PHACTR1: variants seen among roughly 807,000 people sequenced by gnomAD.
The protein encoded by PHACTR1 is phosphatase and actin regulator 1, also known as RPEL repeat containing 1.
Under a neutral mutation model 69.2 loss-of-function variants are expected in PHACTR1, and 16 were observed. The observed-to-expected ratio is 0.23, with a 90% CI of 0.16 to 0.35. The LOEUF (loss-of-function observed/expected upper bound fraction) is 0.35, where lower values mean the gene tolerates loss of function less well. PHACTR1 is among the 10% of genes least tolerant of loss of function. The pLI is 1.00. For synonymous variants in PHACTR1, 312 were observed against 284.5 expected (o/e 1.10, Z -0.97); for missense variants, 510 against 734.7 (o/e 0.69, Z 3.54).
Position 13,283,799 on chromosome 6 carries a change from C to G in PHACTR1, c.1650+237C>G, listed in dbSNP as rs1780854306. The stretch of plus-strand genomic sequence containing the variant: ...TGTGCCCATTTTACAGGAGGAGGAG[C>G]AGCAGCCTGGGAGGCTGTGCCCAGA... On this transcript the variant is annotated intron_variant, in intron 13 of 14. Transcript: ENST00000332995. The surrounding 1 kb of genome is among the most constrained non-coding windows in gnomAD (Gnocchi z 4.7). 1.8e-6 allele frequency: 1 copy of G among 557,616 alleles called. No homozygotes were observed. The highest frequency in any genetic ancestry group is 1.9e-5 in the African/African-American group (1 of 52,744). 34.5% of individuals were successfully genotyped at this position (557,616 alleles called of 1,614,324 possible).
intron 10 of PHACTR1, among the ~76,000 whole-genome samples, chr6:13,258,694 A>G (rs900124505): frequency 3.3e-5 from 5 of 152,120 alleles, no homozygotes; most frequent in Admixed American, 1.3e-4. Flanking sequence ...CTTCTTGAAG[A>G]CTCTGACAGA....
chr6:12,924,505 T>C (rs1788052329), intron 4 of PHACTR1, among the ~76,000 whole-genome samples: 1 of 152,166 alleles, frequency 6.6e-6, no homozygotes, highest in Non-Finnish European at 1.5e-5. Flanking sequence ...CCGGGCACGG[T>C]GGCTCACGCC....
intron 4 of PHACTR1, among the ~76,000 whole-genome samples, chr6:12,776,694 C>T (rs1429743605): frequency 6.6e-6 from 1 of 152,154 alleles, no homozygotes; most frequent in African/African-American, 2.4e-5. Context: ...TTGTTTTTAT[C>T]TTCATTAATC....
chr6:12,975,018 C>T (rs1480279885), intron 4 of PHACTR1, among the ~76,000 whole-genome samples: 1 of 152,140 alleles, frequency 6.6e-6, no homozygotes, highest in Non-Finnish European at 1.5e-5. Flanking sequence ...GAAAAAAGCC[C>T]TCTGTACAAT....
intron 5 of PHACTR1, among the ~76,000 whole-genome samples, chr6:13,103,295 C>G (rs1016074435): frequency 5.9e-5 from 9 of 152,128 alleles, no homozygotes; most frequent in African/African-American, 1.9e-4. Context: ...AGCATGAGAT[C>G]TCTAATAGCT....
intron 5 of PHACTR1, among the ~76,000 whole-genome samples, chr6:13,113,437 A>G (rs1057136388): frequency 6.6e-6 from 1 of 152,212 alleles, no homozygotes; most frequent in Non-Finnish European, 1.5e-5. Flanking sequence ...AGGAAAAGCA[A>G]GGGACGCACC....
At chr6:13,224,366 C>T (rs1433928789) in intron 8 of PHACTR1, among the ~76,000 whole-genome samples, 1 of 152,166 alleles carries the variant, frequency 6.6e-6, no homozygotes, top group Non-Finnish European at 1.5e-5. Context: ...GAACACATTC[C>T]AGGCCAAGAG....
intron 8 of PHACTR1, among the ~76,000 whole-genome samples, chr6:13,212,796 C>G (rs1294880330): frequency 6.6e-6 from 1 of 152,156 alleles, no homozygotes; most frequent in Non-Finnish European, 1.5e-5. Context: ...CTGCCCTTCC[C>G]TCAAATATCC....
chr6:12,949,955 C>A (rs997767467), intron 4 of PHACTR1, among the ~76,000 whole-genome samples: 7 of 152,224 alleles, frequency 4.6e-5, no homozygotes, highest in Non-Finnish European at 1.0e-4. Flanking sequence ...CCGTCTCACA[C>A]CTAATGCTCC....
chr6:12,800,376 G>A (rs1189689542), intron 4 of PHACTR1, among the ~76,000 whole-genome samples: 1 of 152,176 alleles, frequency 6.6e-6, no homozygotes, highest in Non-Finnish European at 1.5e-5. Flanking sequence ...AACACATGCA[G>A]GGAGACTAAC....
intron 4 of PHACTR1, among the ~76,000 whole-genome samples, chr6:12,854,749 A>G (rs149675380): frequency 1.5e-4 from 23 of 152,366 alleles, no homozygotes; most frequent in African/African-American, 5.3e-4. Context: ...AACACTTCTC[A>G]AAAGACATAG....
chr6:12,927,936 C>A (rs930513972), intron 4 of PHACTR1, among the ~76,000 whole-genome samples: 4 of 152,226 alleles, frequency 2.6e-5, no homozygotes, highest in Non-Finnish European at 5.9e-5. Context: ...GCTGCACCTC[C>A]GATTGCTGAC....
At chr6:13,092,110 T>C (rs745950732) in intron 5 of PHACTR1, among the ~76,000 whole-genome samples, 1 of 152,164 alleles carries the variant, frequency 6.6e-6, no homozygotes, top group Non-Finnish European at 1.5e-5. Context: ...TTCGAACTTC[T>C]ATGAGAATCT....
intron 4 of PHACTR1, among the ~76,000 whole-genome samples, chr6:12,884,960 G>C (rs931894331): frequency 6.6e-6 from 1 of 152,196 alleles, no homozygotes. Context: ...GAGTTTTCTC[G>C]ATAATTTAGC....
chr6:12,844,866 G>GA (rs1336495241), intron 4 of PHACTR1, among the ~76,000 whole-genome samples: 1 of 152,076 alleles, frequency 6.6e-6, no homozygotes, highest in Non-Finnish European at 1.5e-5. Flanking sequence ...GGGCCTAGAA[G>GA]AAAAACCTGT....
chr6:13,213,135 A>C (rs1265336800), intron 8 of PHACTR1, among the ~76,000 whole-genome samples: 2 of 152,224 alleles, frequency 1.3e-5, no homozygotes, highest in Admixed American at 6.5e-5. Flanking sequence ...TAACTGAATG[A>C]ATGGAGAGCC....
chr6:12,978,205 C>T (rs897367583), intron 4 of PHACTR1, among the ~76,000 whole-genome samples: 2 of 152,184 alleles, frequency 1.3e-5, no homozygotes, highest in Non-Finnish European at 2.9e-5. Context: ...CTCCCACTGG[C>T]CGCCAGAGTC....
intron 4 of PHACTR1, chr6:12,934,096 C>A (rs1028846786): frequency 5.9e-6 from 6 of 1,014,068 alleles, no homozygotes; most frequent in African/African-American, 1.6e-5. Context: ...TAGGGAAGAA[C>A]CTTCTTGTGT....
Position 12,978,927 on chromosome 6 carries a change from G to A in PHACTR1, c.251-74438G>A, listed in dbSNP as rs112012193. Among the ~76,000 whole-genome samples the A allele has an allele frequency of 3.2e-3, 484 of 152,318 alleles. 3 individuals carry two copies. Among genetic ancestry groups the A allele is most frequent in the African/African-American group, 0.011 (451 of 41,568 alleles). ...GGAATATTCCTAGTGATTACTGGGCGTGGTCTTCTGCTTTTGTAGACCTTT... is the reference window on the plus strand; with the variant it reads ...GGAATATTCCTAGTGATTACTGGGCATGGTCTTCTGCTTTTGTAGACCTTT... On this transcript the variant is annotated intron_variant, in intron 4 of 14. Coordinates refer to ENST00000332995, the MANE Select transcript of PHACTR1 (RefSeq NM_030948.6).
Sources: allele counts gnomAD v4.1 joint callset (sites outside exome capture counted in the v4.1 genomes callset), GRCh38; gene constraint gnomAD v4.1.1; non-coding constraint Gnocchi (gnomAD v3.1); transcripts MANE v1.5; gene names NCBI Gene and HGNC (gene_info 2026-07-23, HGNC 2026-07-21).